The following FAF1 variants were observed in gnomAD, a reference collection of about 807,000 sequenced individuals.
The protein encoded by FAF1 is FAS-associated factor 1.
FAF1 carries 25 observed loss-of-function variants against 92.5 expected under a neutral mutation model. The observed-to-expected ratio is 0.27, with a 90% CI of 0.20 to 0.38. FAF1 has a LOEUF of 0.38. Among genes scored for constraint, FAF1 ranks in the 10% least tolerant of loss-of-function variants. The pLI is 1.00. For synonymous variants in FAF1, 234 were observed against 273.2 expected (o/e 0.86, Z 1.42); for missense variants, 636 against 793.3 (o/e 0.80, Z 2.38).
At chr1:50,868,115 G>A (rs1169718440) in intron 1 of FAF1, among the ~76,000 whole-genome samples, 1 of 152,126 alleles carries the variant, frequency 6.6e-6, no homozygotes, top group Non-Finnish European at 1.5e-5. Flanking sequence ...TTTATAAGTG[G>A]GAGCTAAGCT....
At chr1:50,499,748 T>G (rs1646959341) in intron 15 of FAF1, among the ~76,000 whole-genome samples, 1 of 152,170 alleles carries the variant, frequency 6.6e-6, no homozygotes, top group African/African-American at 2.4e-5. Flanking sequence ...CCCTTCTTTC[T>G]TTCTTTCTTT....
intron 8 of FAF1, among the ~76,000 whole-genome samples, chr1:50,624,193 G>A (rs1053622178): frequency 3.9e-5 from 6 of 152,110 alleles, no homozygotes; most frequent in African/African-American, 9.7e-5. Context: ...TGTCGCCCAG[G>A]CTGGGGTGGA....
At position 50,910,773 on chromosome 1, in the gene FAF1, C is replaced by G. The variant is rs187453789; in HGVS notation, c.45+48994G>C. 3.1e-3 allele frequency among the ~76,000 whole-genome samples: 469 copies of G among 152,050 alleles called. 3 individuals are homozygous for G. Among genetic ancestry groups the G allele is most frequent in the Non-Finnish European group, 4.2e-3 (287 of 67,974 alleles). ...GGGAGTGTCCCGATTTTCCAGGTACCGTCTGTCACAGCTTCCCTTGGCTAG... is the reference window on the plus strand; with the variant it reads ...GGGAGTGTCCCGATTTTCCAGGTACGGTCTGTCACAGCTTCCCTTGGCTAG... On this transcript the variant is annotated intron_variant, in intron 1 of 18. Transcript: ENST00000396153.
intron 13 of FAF1, among the ~76,000 whole-genome samples, chr1:50,562,262 C>T (rs1199764831): frequency 6.6e-6 from 1 of 152,210 alleles, no homozygotes; most frequent in Non-Finnish European, 1.5e-5. Context: ...TGCCTGTAGA[C>T]ATATGCCAAT....
chr1:50,951,001 C>A (rs1424874308), intron 1 of FAF1, among the ~76,000 whole-genome samples: 2 of 152,196 alleles, frequency 1.3e-5, no homozygotes, highest in Non-Finnish European at 2.9e-5. Flanking sequence ...GAGGCCGAGG[C>A]GGGCAGACCA....
At chr1:50,715,498 TATAG>T (rs1410535243) in intron 6 of FAF1, among the ~76,000 whole-genome samples, 1 of 152,198 alleles carries the variant, frequency 6.6e-6, no homozygotes, top group Non-Finnish European at 1.5e-5. Flanking sequence ...ACTATTAAAA[TATAG>T]ATAGATAACC....
chr1:50,665,035 T>G (rs1004733231), intron 7 of FAF1, among the ~76,000 whole-genome samples: 8 of 152,184 alleles, frequency 5.3e-5, no homozygotes, highest in African/African-American at 1.2e-4. Context: ...ATAAATAAAA[T>G]TACAATCACT....
intron 8 of FAF1, among the ~76,000 whole-genome samples, chr1:50,596,822 T>C (rs1651843442): frequency 6.6e-6 from 1 of 152,214 alleles, no homozygotes; most frequent in Admixed American, 6.5e-5. Flanking sequence ...CAGAGTTTAC[T>C]TGTCAAAACT....
At chr1:50,895,141 T>C (rs1299744348) in intron 1 of FAF1, among the ~76,000 whole-genome samples, 1 of 151,724 alleles carries the variant, frequency 6.6e-6, no homozygotes, top group Non-Finnish European at 1.5e-5. Flanking sequence ...TTAACCAGAC[T>C]AAATAAAAGA....
intron 13 of FAF1, among the ~76,000 whole-genome samples, chr1:50,547,086 T>G (rs1649057029): frequency 6.6e-6 from 1 of 151,436 alleles, no homozygotes; most frequent in East Asian, 1.9e-4. Context: ...TAGAGATGGG[T>G]TTCACTGCAT....
intron 1 of FAF1, among the ~76,000 whole-genome samples, chr1:50,889,264 T>C (rs1469295444): frequency 6.6e-6 from 1 of 152,042 alleles, no homozygotes; most frequent in Non-Finnish European, 1.5e-5. Flanking sequence ...TTTTCTTCTT[T>C]ATTAGTCTTG....
chr1:50,952,309 C>T (rs1314755110), intron 1 of FAF1, among the ~76,000 whole-genome samples: 5 of 152,234 alleles, frequency 3.3e-5, no homozygotes, highest in South Asian at 2.1e-4. Context: ...GGGTTTTCGC[C>T]GTGTTGGCCG....
At chr1:50,761,441 C>A (rs1024112525) in intron 4 of FAF1, among the ~76,000 whole-genome samples, 158 of 152,178 alleles carry the variant, frequency 1.0e-3, no homozygotes, top group African/African-American at 3.4e-3. Context: ...AATCCTCAAT[C>A]AAATACTGGC....
intron 2 of FAF1, among the ~76,000 whole-genome samples, chr1:50,820,615 A>G (rs1487528696): frequency 1.3e-5 from 2 of 152,156 alleles, no homozygotes; most frequent in African/African-American, 4.8e-5. Context: ...TATTCATGTT[A>G]CAACTGAAAG....
chr1:50,685,005 G>T (rs1656594381), intron 7 of FAF1, among the ~76,000 whole-genome samples: 1 of 152,138 alleles, frequency 6.6e-6, no homozygotes. Context: ...CAGGAGATAA[G>T]GAGAGGTTAT....
At chr1:50,700,634 T>A (rs1235746287) in intron 7 of FAF1, among the ~76,000 whole-genome samples, 1 of 152,172 alleles carries the variant, frequency 6.6e-6, no homozygotes, top group Non-Finnish European at 1.5e-5. Flanking sequence ...TGAACGGAAT[T>A]TCTCTTAACC....
At chr1:50,733,018 A>C (rs1658993486) in intron 6 of FAF1, among the ~76,000 whole-genome samples, 1 of 152,082 alleles carries the variant, frequency 6.6e-6, no homozygotes, top group Non-Finnish European at 1.5e-5. Context: ...AATAACCACT[A>C]TCTCTGTGTC....
At chr1:50,894,893 A>G (rs1318038194) in intron 1 of FAF1, among the ~76,000 whole-genome samples, 2 of 152,182 alleles carry the variant, frequency 1.3e-5, no homozygotes, top group Non-Finnish European at 2.9e-5. Context: ...AGTACCAAAT[A>G]TCAAGAGGGA....
chr1:50,648,939 G>A (rs1331784162), intron 8 of FAF1, among the ~76,000 whole-genome samples: 1 of 152,008 alleles, frequency 6.6e-6, no homozygotes, highest in Non-Finnish European at 1.5e-5. Flanking sequence ...AAGTTAGGGG[G>A]CCTGGCCCTA....
Sources: allele counts gnomAD v4.1 joint callset (sites outside exome capture counted in the v4.1 genomes callset), GRCh38; gene constraint gnomAD v4.1.1; transcripts MANE v1.5; gene names NCBI Gene and HGNC (gene_info 2026-07-23, HGNC 2026-07-21).